The following SFI1 variants were observed in gnomAD, a reference collection of about 807,000 sequenced individuals.
SFI1 encodes SFI1 centrin binding protein, also known as protein SFI1 homolog.
Under a neutral mutation model 207.5 loss-of-function variants are expected in SFI1, and 195 were observed. The ratio of observed to expected loss-of-function variants is 0.94; its 90% CI spans 0.84 to 1.06. SFI1 has a LOEUF of 1.06. Among genes scored for constraint, SFI1 ranks in the 50% least tolerant of loss-of-function variants. The pLI, the probability that SFI1 is intolerant of heterozygous loss-of-function variation, is 0.00. For missense variants in SFI1, 1,634 were observed against 1,588.0 expected (o/e 1.03, Z -0.49); for synonymous variants, 630 against 598.9 (o/e 1.05, Z -0.76).
intron 21 of SFI1, among the ~76,000 whole-genome samples, chr22:31,607,267 A>G (rs1019481312): frequency 6.6e-6 from 1 of 152,130 alleles, no homozygotes; most frequent in Non-Finnish European, 1.5e-5. Flanking sequence ...GGCATCACTC[A>G]TACAAAAGAA....
Position 31,557,009 on chromosome 22 carries a change from A to C in SFI1, c.612A>C (p.Lys204Asn). ...TCTACGTGGTTGTTCGTAGGACCAA[A>C]CTTCAGATGCAGACTACAGCTCTGG... ...WLIYVVVRRT[K>N]LQMQTTALEF... Residue 204 changes from lysine (K) to asparagine (N), a missense_variant, in exon 7 of 33, where the codon AAA (lysine) becomes AAC (asparagine). Transcript: ENST00000400288. 1 of 1,612,396 alleles carries C rather than the reference A, an allele frequency of 6.2e-7. No individual in the cohort carries two copies. The highest frequency in any genetic ancestry group is 8.5e-7 in the Non-Finnish European group (1 of 1,178,920).
chr22:31,600,856 G>A (rs1246119700), intron 15 of SFI1, among the ~76,000 whole-genome samples: 1 of 152,190 alleles, frequency 6.6e-6, no homozygotes, highest in Admixed American at 6.5e-5. Context: ...TGTCATATAT[G>A]GCCAGAGGGC....
chr22:31,604,269 G>T, intron 18 of SFI1, 40 bp from the exon 19 acceptor site: 1 of 1,523,532 alleles, frequency 6.6e-7, no homozygotes. Context: ...CCCCAACTCA[G>T]ACCCCAGCCC....
At chr22:31,572,112 G>C (rs986357360) in intron 8 of SFI1, among the ~76,000 whole-genome samples, 12 of 152,322 alleles carry the variant, frequency 7.9e-5, no homozygotes, top group African/African-American at 2.9e-4. Context: ...AAAGAGAGAA[G>C]ACAGAGCCCG....
intron 27 of SFI1, 78 bp from the exon 28 acceptor site, chr22:31,614,711 T>C (rs765707594): frequency 4.9e-5 from 73 of 1,499,168 alleles, no homozygotes; most frequent in Non-Finnish European, 6.3e-5. Context: ...CCTATAAAAT[T>C]GGAGATCCCA....
At chr22:31,510,127 G>C (rs1464257507) in intron 2 of SFI1, among the ~76,000 whole-genome samples, 1 of 151,928 alleles carries the variant, frequency 6.6e-6, no homozygotes, top group Admixed American at 6.6e-5. Flanking sequence ...GATAGTGCTC[G>C]GCCTATTATT....
At chr22:31,547,042 T>G in intron 5 of SFI1, 71 bp downstream of exon 5, 2 of 1,200,786 alleles carry the variant, frequency 1.7e-6, no homozygotes, top group Non-Finnish European at 2.4e-6. Context: ...TTGGCGTGTT[T>G]ATGGTCAAAA....
At chr22:31,524,197 A>T (rs2057629527) in intron 2 of SFI1, among the ~76,000 whole-genome samples, 1 of 152,004 alleles carries the variant, frequency 6.6e-6, no homozygotes, top group Admixed American at 6.6e-5. Context: ...GTGAGATTCC[A>T]TCTCAAAAAA....
intron 4 of SFI1, chr22:31,538,297 C>T (rs2059182012): frequency 6.7e-6 from 1 of 149,764 alleles, no homozygotes. Context: ...GTACAATTTC[C>T]ATTTTATTTT....
At chr22:31,580,678 G>C (rs1217993868) in intron 12 of SFI1, among the ~76,000 whole-genome samples, 2 of 151,676 alleles carry the variant, frequency 1.3e-5, no homozygotes, top group Non-Finnish European at 2.9e-5. Context: ...GAGTAGCTGG[G>C]ATTACAGGCA....
intron 2 of SFI1, among the ~76,000 whole-genome samples, chr22:31,514,896 T>G (rs2056267784): frequency 1.3e-5 from 2 of 152,066 alleles, no homozygotes; most frequent in Admixed American, 1.3e-4. Flanking sequence ...CTCAGCCTCT[T>G]GAGTAGTTGG....
rs1265593357 is a variant in SFI1 at position 31,616,871 on chromosome 22, A to G, written c.3427A>G (p.Thr1143Ala). 4 of 1,610,118 alleles carry G rather than the reference A, an allele frequency of 2.5e-6. No individual in the cohort carries two copies. Among genetic ancestry groups the G allele is most frequent in the African/African-American group, 1.3e-5 (1 of 74,786 alleles). Residue 1143 changes from threonine (T) to alanine (A), a missense_variant, in exon 30 of 33, where the codon ACT becomes GCT. Thr to Ala is a moderately conservative substitution (Grantham distance 58, BLOSUM62 0). Coordinates refer to ENST00000400288, the MANE Select transcript of SFI1 (RefSeq NM_001007467.3). ...CACCAGGGCTGGGCCTGGACTTTCA[A>G]CTGCAGGTGTGTACCTGGGGCCTGT... ...SATRAGPGLS[T>A]AGSLDLEAEL...
chr22:31,550,158 G>T, intron 5 of SFI1, 96 bp from the exon 6 acceptor site: 1 of 821,320 alleles, frequency 1.2e-6, no homozygotes. Context: ...TGAACTCCTT[G>T]CCTTGGCCTC....
chr22:31,595,078 A>G (rs963645003), intron 15 of SFI1, among the ~76,000 whole-genome samples: 2 of 151,622 alleles, frequency 1.3e-5, no homozygotes, highest in Admixed American at 1.3e-4. Context: ...CTCACGGCAA[A>G]CTCCACATCC....
Position 31,508,458 on chromosome 22 carries a change from T to G in SFI1, c.92+82T>G, listed in dbSNP as rs192226193. 4.8e-3 allele frequency: 5,058 copies of G among 1,055,140 alleles called. 33 individuals carry two copies. The highest frequency in any genetic ancestry group is 5.8e-3 in the Non-Finnish European group (4,171 of 719,288). The allele number at this position is 1,055,140 out of a possible 1,614,324, so 65.4% of individuals were successfully genotyped here. On this transcript the variant is annotated intron_variant, in intron 2 of 32. Coordinates refer to ENST00000400288, the MANE Select transcript of SFI1 (RefSeq NM_001007467.3). Reference sequence around the variant, plus strand: ...AAACATTTTGTGTATGAAAAAATTATAAATTATGAGTGAGGTAGTAACTGT... The same window carrying G: ...AAACATTTTGTGTATGAAAAAATTAGAAATTATGAGTGAGGTAGTAACTGT...
chr22:31,613,301 T>C (rs1221147950), intron 25 of SFI1, 53 bp from the exon 26 acceptor site: 17 of 1,605,136 alleles, frequency 1.1e-5, no homozygotes, highest in Non-Finnish European at 1.4e-5. Flanking sequence ...ACCTGGTCTG[T>C]GGGGGAGCTC....
At chr22:31,543,208 GATC>G (rs1203722523) in intron 4 of SFI1, among the ~76,000 whole-genome samples, 2 of 152,046 alleles carry the variant, frequency 1.3e-5, no homozygotes, top group African/African-American at 4.8e-5. Flanking sequence ...CTGACCTCAT[GATC>G]CACCCGCCTT....
chr22:31,575,099 TG>T, intron 9 of SFI1, 131 bp from the exon 10 acceptor site: 1 of 305,722 alleles, frequency 3.3e-6, no homozygotes, highest in Non-Finnish European at 5.1e-6. Flanking sequence ...TGTGTGTGTG[TG>T]TGTGTGTGTG....
intron 4 of SFI1, among the ~76,000 whole-genome samples, chr22:31,542,635 A>G (rs2059664646): frequency 6.6e-6 from 1 of 151,894 alleles, no homozygotes; most frequent in South Asian, 2.1e-4. Context: ...TCTCAAAAAT[A>G]TATATATAAA....
Sources: allele counts gnomAD v4.1 joint callset (sites outside exome capture counted in the v4.1 genomes callset), GRCh38; gene constraint gnomAD v4.1.1; transcripts MANE v1.5; gene names NCBI Gene and HGNC (gene_info 2026-07-23, HGNC 2026-07-21).